Variants in BLTP1 observed in about 807,000 individuals in gnomAD.
The protein encoded by BLTP1 is bridge-like lipid transfer protein family member 1.
chr4:122,327,025 T>C, the BLTP1 span, among the ~76,000 whole-genome samples: 1 of 151,758 alleles, frequency 6.6e-6, no homozygotes, highest in Non-Finnish European at 1.5e-5. Flanking sequence ...ACATTAAACT[T>C]TATAAAGGCT....
the BLTP1 span, chr4:122,349,796 T>C: frequency 6.3e-7 from 1 of 1,585,136 alleles, no homozygotes; most frequent in African/African-American, 1.4e-5. This position sits in a 1 kb window ranked among gnomAD's most constrained non-coding sequence, Gnocchi z 4.5. Flanking sequence ...AGAAAATGTT[T>C]CTTGTACTTT....
chr4:122,214,436 A>C, the BLTP1 span: 1 of 969,732 alleles, frequency 1.0e-6, no homozygotes, highest in South Asian at 4.8e-5. Context: ...TATTTTAAAG[A>C]TAGTTTAAGC....
At chr4:122,300,889 A>G in the BLTP1 span, 1 of 977,156 alleles carries the variant, frequency 1.0e-6, no homozygotes, top group Non-Finnish European at 1.2e-6. Flanking sequence ...ATATTAGAAC[A>G]TTATTTTCTG....
chr4:122,254,360 A>G, the BLTP1 span: 6 of 1,552,292 alleles, frequency 3.9e-6, no homozygotes, highest in Admixed American at 1.0e-4. Context: ...AAGAGTTTTT[A>G]AAATATAGTA....
At chr4:122,289,564 A>G in the BLTP1 span, 3 of 985,228 alleles carry the variant, frequency 3.0e-6, no homozygotes, top group Non-Finnish European at 1.2e-6. Context: ...TGCTGGCAGC[A>G]TGGTAAATTG....
At chr4:122,279,738 T>G in the BLTP1 span, 1 of 1,583,614 alleles carries the variant, frequency 6.3e-7, no homozygotes, top group African/African-American at 1.4e-5. Flanking sequence ...ACTTGGCTGT[T>G]GGCTGTATTT....
chr4:122,267,528 T>A, the BLTP1 span: 16 of 359,584 alleles, frequency 4.4e-5, no homozygotes, highest in Non-Finnish European at 5.8e-5. Context: ...TATATTGATA[T>A]ATGCACTCAC....
chr4:122,281,974 A>G, the BLTP1 span: 1 of 984,638 alleles, frequency 1.0e-6, no homozygotes, highest in Non-Finnish European at 1.2e-6. Context: ...ACCAGAATGA[A>G]CTCTTTTGAA....
the BLTP1 span, among the ~76,000 whole-genome samples, chr4:122,262,413 C>A: frequency 6.6e-6 from 1 of 151,940 alleles, no homozygotes; most frequent in African/African-American, 2.4e-5. Flanking sequence ...TCATTTCCAC[C>A]ATCTATTTGA....
chr4:122,353,177 T>C, the BLTP1 span: 3 of 1,609,098 alleles, frequency 1.9e-6, no homozygotes, highest in Non-Finnish European at 2.5e-6. The surrounding 1 kb of genome is among the most constrained non-coding windows in gnomAD (Gnocchi z 4.3). Context: ...CATTTCCAGC[T>C]TTTACTTTCT....
At chr4:122,339,126 T>C in the BLTP1 span, 2 of 1,448,324 alleles carry the variant, frequency 1.4e-6, no homozygotes, top group Non-Finnish European at 1.9e-6. Context: ...TTAAGTTTAT[T>C]TGAACATTTC....
At chr4:122,204,432 C>G in the BLTP1 span, 9 of 806,362 alleles carry the variant, frequency 1.1e-5, no homozygotes, top group African/African-American at 1.3e-4. Context: ...AATAGGGTAG[C>G]TGTTATTACT....
At chr4:122,349,357 T>A in the BLTP1 span, 3 of 1,577,354 alleles carry the variant, frequency 1.9e-6, no homozygotes, top group Non-Finnish European at 2.6e-6. The surrounding 1 kb of genome is among the most constrained non-coding windows in gnomAD (Gnocchi z 4.5). Context: ...ATCCTTAAGA[T>A]ATATATATCA....
chr4:122,227,079 T>A, the BLTP1 span: 45 of 565,288 alleles, frequency 8.0e-5, 2 homozygotes, highest in Middle Eastern at 2.0e-3. Flanking sequence ...TTGCTTACAT[T>A]TTTACTGTTA....
At chr4:122,215,300 ATCT>A in the BLTP1 span, 2 of 890,546 alleles carry the variant, frequency 2.2e-6, no homozygotes, top group Admixed American at 1.2e-4. Context: ...TACTGTAATA[ATCT>A]ACAGGAATCT....
At chr4:122,189,154 T>A in the BLTP1 span, 1 of 843,154 alleles carries the variant, frequency 1.2e-6, no homozygotes, top group Non-Finnish European at 1.4e-6. Flanking sequence ...TAAAAAGATT[T>A]AAAATTGTAT....
At chr4:122,292,384 A>C in the BLTP1 span, 3 of 841,024 alleles carry the variant, frequency 3.6e-6, no homozygotes, top group South Asian at 1.7e-4. Flanking sequence ...ATATTCACAA[A>C]GCTCTAGACA....
the BLTP1 span, chr4:122,356,486 C>G: frequency 1.1e-6 from 1 of 880,988 alleles, no homozygotes; most frequent in Non-Finnish European, 1.7e-6. Context: ...CTATCATCAT[C>G]CTGTAAATCA....
the BLTP1 span, chr4:122,337,077 A>G: frequency 6.9e-7 from 1 of 1,441,862 alleles, no homozygotes; most frequent in East Asian, 2.3e-5. Context: ...TCTTAAGTTT[A>G]TTTGAACATT....
Sources: gnomAD v4.1 joint callset for allele counts (sites outside exome capture counted in the v4.1 genomes callset) on GRCh38, gnomAD v4.1.1 for gene constraint, Gnocchi (gnomAD v3.1) non-coding constraint, MANE v1.5 for transcripts, NCBI Gene and HGNC (gene_info 2026-07-23, HGNC 2026-07-21) for gene names.